Variants in SNX30 observed in about 807,000 individuals in gnomAD.
The protein encoded by SNX30 is sorting nexin-30.
In SNX30, 24 loss-of-function variants were observed where a neutral mutation model predicts 46.4. The ratio of observed to expected loss-of-function variants is 0.52; its 90% CI spans 0.37 to 0.73. The LOEUF is 0.73. Ranked by LOEUF, SNX30 falls within the 30% of genes least tolerant of loss-of-function variation. The pLI is 0.00. For synonymous variants in SNX30, 189 were observed against 211.5 expected, an observed-to-expected ratio of 0.89 and a Z score of 0.92; for missense variants, 533 against 555.7, an observed-to-expected ratio of 0.96 and a Z score of 0.41.
chr9:112,845,826 G>A (rs1476304727), intron 6 of SNX30, among the ~76,000 whole-genome samples: 2 of 152,204 alleles, frequency 1.3e-5, no homozygotes, highest in African/African-American at 4.8e-5. Flanking sequence ...TTTCCATGGA[G>A]TTTCCCTCTT....
chr9:112,865,655 A>ATGTGTGTGTGTGTGTGTGTG (rs1841318734), intron 8 of SNX30, among the ~76,000 whole-genome samples: 1 of 89,426 alleles, frequency 1.1e-5, no homozygotes, highest in Non-Finnish European at 2.3e-5. Flanking sequence ...ATATATATAT[A>ATGTGTGTGTGTGTGTGTGTG]TATATATGTA....
chr9:112,795,327 T>G (rs1840089790), intron 1 of SNX30, among the ~76,000 whole-genome samples: 1 of 152,226 alleles, frequency 6.6e-6, no homozygotes, highest in Admixed American at 6.5e-5. Context: ...AGAAGCTTGC[T>G]TAAGTTGCAC....
At chr9:112,816,261 G>A (rs1011394251) in intron 2 of SNX30, among the ~76,000 whole-genome samples, 1 of 152,188 alleles carries the variant, frequency 6.6e-6, no homozygotes, top group South Asian at 2.1e-4. Flanking sequence ...CCGCCTGTGC[G>A]GGTGGTGTGG....
At chr9:112,865,182 A>C (rs1841303984) in intron 8 of SNX30, among the ~76,000 whole-genome samples, 1 of 122,938 alleles carries the variant, frequency 8.1e-6, no homozygotes, top group African/African-American at 3.2e-5. Context: ...CACACACGAC[A>C]CCCACACACC....
At chr9:112,880,649 A>G (rs1263144324) in intron 5 of SNX30, among the ~76,000 whole-genome samples, 3 of 152,172 alleles carry the variant, frequency 2.0e-5, no homozygotes, top group Non-Finnish European at 4.4e-5. Flanking sequence ...GTATATCGTT[A>G]AACACTTTTT....
intron 1 of SNX30, among the ~76,000 whole-genome samples, chr9:112,770,945 G>A (rs536623829): frequency 9.2e-5 from 14 of 152,300 alleles, no homozygotes; most frequent in African/African-American, 1.9e-4. Flanking sequence ...GCAGTGAGCC[G>A]AGATCGGGCC....
chr9:112,854,549 T>C (rs571014184), intron 7 of SNX30, among the ~76,000 whole-genome samples: 1 of 152,352 alleles, frequency 6.6e-6, no homozygotes, highest in East Asian at 1.9e-4. Flanking sequence ...CCTGGTGGGA[T>C]GTTGAACCAT....
chr9:112,757,893 G>A (rs1839376075), intron 1 of SNX30, among the ~76,000 whole-genome samples: 1 of 152,100 alleles, frequency 6.6e-6, no homozygotes, highest in Non-Finnish European at 1.5e-5. Flanking sequence ...GAAGCTCAAG[G>A]GTTGCTGCCA....
intron 1 of SNX30, among the ~76,000 whole-genome samples, chr9:112,785,383 GTTTT>G (rs5900016): frequency 8.0e-6 from 1 of 124,846 alleles, no homozygotes. Context: ...GCCTGGCTAA[GTTTT>G]TTTTTTTTTT....
intron 1 of SNX30, among the ~76,000 whole-genome samples, chr9:112,795,099 A>G (rs756690935): frequency 5.8e-4 from 89 of 152,222 alleles, no homozygotes; most frequent in Middle Eastern, 6.8e-3. Flanking sequence ...TTTAGCAATT[A>G]TTGTGTGTCT....
chr9:112,763,360 CTTTTTTTT>C (rs751720343), intron 1 of SNX30, among the ~76,000 whole-genome samples: 24 of 47,588 alleles, frequency 5.0e-4, no homozygotes, highest in Non-Finnish European at 6.1e-4. Flanking sequence ...GCTATTTAAA[CTTTTTTTT>C]TTTTTTTTTT....
intron 3 of SNX30, among the ~76,000 whole-genome samples, chr9:112,821,232 A>G (rs1346570746): frequency 6.6e-6 from 1 of 152,160 alleles, no homozygotes; most frequent in Non-Finnish European, 1.5e-5. Flanking sequence ...GTGCAGTGCT[A>G]TCTCATTGTG....
rs568667055 is a variant in SNX30, at chr9:112,866,567, G to A, written c.1254+2168G>A. ...ACCCCAGATCATCTTCCGTATATAA[G>A]GTGGGCTTCAGAGTTTAGCTTCCTC... On this transcript the variant is annotated intron_variant, in intron 8 of 8. Transcript: ENST00000374232. 2.6e-5 allele frequency: 12 copies of A among 469,586 alleles called. No homozygotes were observed. The East Asian group carries it at 8.4e-4, about 33-fold the overall frequency. The allele number at this position is 469,586 out of a possible 1,614,324, so 29.1% of individuals were successfully genotyped here. A position where few individuals can be genotyped will look rare whatever the true frequency, so the allele number is the denominator to read the frequency against.
At chr9:112,779,357 C>T (rs1265034624) in intron 1 of SNX30, among the ~76,000 whole-genome samples, 1 of 152,168 alleles carries the variant, frequency 6.6e-6, no homozygotes, top group Non-Finnish European at 1.5e-5. Context: ...GTTTCATATT[C>T]TCTTTTTTTC....
intron 7 of SNX30, among the ~76,000 whole-genome samples, chr9:112,861,860 G>A (rs1047059783): frequency 2.6e-5 from 4 of 152,102 alleles, no homozygotes; most frequent in African/African-American, 7.2e-5. Flanking sequence ...CATGAGGCCC[G>A]ATCTTCCCAG....
intron 2 of SNX30, among the ~76,000 whole-genome samples, chr9:112,812,421 A>G (rs1840334534): frequency 6.6e-6 from 1 of 151,902 alleles, no homozygotes; most frequent in Admixed American, 6.6e-5. Flanking sequence ...GCACCCGGCT[A>G]ATTTTTGTGT....
At position 112,837,509 on chromosome 9, in the gene SNX30, T is replaced by G. The variant is rs1323636254; in HGVS notation, c.815-989T>G. On this transcript the variant is annotated intron_variant, in intron 5 of 8. Transcript: ENST00000374232. The stretch of plus-strand genomic sequence containing the variant: ...TTTTTTTTTTGAGACAGAGTCTTGC[T>G]CTGTCGCCCAGGCTGGAGTGCAGTG... Among the ~76,000 whole-genome samples, 3 of 152,210 alleles carry G rather than the reference T, an allele frequency of 2.0e-5. No homozygotes were observed. The East Asian group carries it at 5.8e-4, about 29-fold the overall frequency.
chr9:112,854,358 G>T (rs1425999209), intron 7 of SNX30, among the ~76,000 whole-genome samples: 1 of 152,180 alleles, frequency 6.6e-6, no homozygotes, highest in East Asian at 1.9e-4. Flanking sequence ...GAAATCTTTG[G>T]CTGCTGCTGT....
intron 2 of SNX30, among the ~76,000 whole-genome samples, chr9:112,815,864 A>G (rs1276851336): frequency 6.6e-6 from 1 of 152,002 alleles, no homozygotes; most frequent in East Asian, 1.9e-4. Context: ...TTTTTTTGAG[A>G]CAAGGTCTCA....
Sources: gnomAD v4.1 joint callset for allele counts (sites outside exome capture counted in the v4.1 genomes callset) on GRCh38, gnomAD v4.1.1 for gene constraint, MANE v1.5 for transcripts, NCBI Gene and HGNC (gene_info 2026-07-23, HGNC 2026-07-21) for gene names.